The following PLB1 variants were observed in gnomAD, a reference collection of about 807,000 sequenced individuals.
The protein encoded by PLB1 is phospholipase B1, membrane-associated.
In PLB1, 242 loss-of-function variants were observed where a neutral mutation model predicts 227.4. That is an observed-to-expected ratio of 1.06 (90% CI 0.96 to 1.18). The LOEUF (loss-of-function observed/expected upper bound fraction) is 1.18. Ranked by LOEUF, PLB1 falls within the 50% of genes most tolerant of loss-of-function variation. The pLI is 0.00. For missense variants in PLB1, 1,858 were observed against 1,816.3 expected, an observed-to-expected ratio of 1.02 and a Z score of -0.42; for synonymous variants, 757 against 682.2, an observed-to-expected ratio of 1.11 and a Z score of -1.71.
At chr2:28,604,405 C>T (rs1372390745) in intron 40 of PLB1, among the ~76,000 whole-genome samples, 1 of 152,232 alleles carries the variant, frequency 6.6e-6, no homozygotes, top group Non-Finnish European at 1.5e-5. Flanking sequence ...AGGTTTTTAT[C>T]CCTTTTGGGA....
At chr2:28,561,683 G>C (rs1676073456) in intron 17 of PLB1, among the ~76,000 whole-genome samples, 2 of 152,166 alleles carry the variant, frequency 1.3e-5, no homozygotes, top group South Asian at 4.1e-4. Context: ...TTGAGGCCAG[G>C]AGTTCGAGAC....
chr2:28,582,663 A>T (rs1680234955), intron 25 of PLB1, among the ~76,000 whole-genome samples, 158 bp downstream of exon 25: 1 of 152,162 alleles, frequency 6.6e-6, no homozygotes, highest in Admixed American at 6.5e-5. Flanking sequence ...AGGATATCCT[A>T]GGATTTTTCC....
Position 28,602,835 on chromosome 2 carries a change from G to C in PLB1, c.2688G>C (p.Leu896=). The C allele has an allele frequency of 1.2e-6, 2 of 1,614,078 alleles. No individual in the cohort carries two copies. Among genetic ancestry groups the C allele is most frequent in the Non-Finnish European group, 1.7e-6 (2 of 1,179,970 alleles). Residue 896 remains leucine, a synonymous_variant, in exon 39 of 58, where the codon CTG becomes CTC. Coordinates refer to ENST00000327757, the MANE Select transcript of PLB1 (RefSeq NM_153021.5). ...TTTTCCCTTAGGTGCCCAGAGTCCTGGTCAACCTCGTGGACTTCCTGAACC... is the reference window on the plus strand; with the variant it reads ...TTTTCCCTTAGGTGCCCAGAGTCCTCGTCAACCTCGTGGACTTCCTGAACC... ...DVLHREVPRV[L]VNLVDFLNPT... is the part of the protein sequence containing the mutation.
chr2:28,576,252 G>A lies in PLB1; in HGVS notation c.1434-1855G>A, dbSNP rs543898107. On this transcript the variant is annotated intron_variant, in intron 21 of 57. Coordinates refer to ENST00000327757, the MANE Select transcript of PLB1 (RefSeq NM_153021.5). The stretch of plus-strand genomic sequence containing the variant: ...GCCACATGGCCTGAACAAATGCATC[G>A]ACTTGACCACATAGTCCAGCCTTGT... 3.9e-5 allele frequency among the ~76,000 whole-genome samples: 6 copies of A among 152,274 alleles called. No homozygotes were observed. The East Asian group carries it at 1.2e-3, about 29-fold the overall frequency.
chr2:28,618,611 G>C (rs533267382), intron 46 of PLB1, among the ~76,000 whole-genome samples: 1 of 152,274 alleles, frequency 6.6e-6, no homozygotes, highest in African/African-American at 2.4e-5. Context: ...TCGTCCATGA[G>C]GCCTCCCCTC....
chr2:28,538,443 TCCACCGGG>T, intron 10 of PLB1, 62 bp downstream of exon 10: 1 of 1,490,708 alleles, frequency 6.7e-7, no homozygotes, highest in South Asian at 1.2e-5. Flanking sequence ...TCATGTGGCC[TCCACCGGG>T]GTGGGGAAAT....
intron 23 of PLB1, among the ~76,000 whole-genome samples, chr2:28,580,227 C>G (rs1230015370): frequency 6.6e-6 from 1 of 152,238 alleles, no homozygotes; most frequent in East Asian, 1.9e-4. Flanking sequence ...TGATAGAAGC[C>G]TGACAGGGCA....
At position 28,618,409 on chromosome 2, in the gene PLB1, G is replaced by A; in HGVS notation, c.3315+10G>A. 6.2e-7 allele frequency: 1 copy of A among 1,613,690 alleles called. No homozygotes were observed. The highest frequency in any genetic ancestry group is 8.5e-7 in the Non-Finnish European group (1 of 1,179,680). On this transcript the variant is annotated intron_variant, in intron 46 of 57. Coordinates refer to ENST00000327757, the MANE Select transcript of PLB1 (RefSeq NM_153021.5). Reference sequence around the variant, plus strand: ...GGGTGACTCTCTGACTGTGAGTAGTGAGCCATGAACCAGGATGGGCAGCTC... The same window carrying A: ...GGGTGACTCTCTGACTGTGAGTAGTAAGCCATGAACCAGGATGGGCAGCTC...
rs768240056 is a variant in PLB1 at position 28,591,140 on chromosome 2, C to T, written c.2096C>T (p.Pro699Leu). Residue 699 changes from proline (P) to leucine (L), a missense_variant, in exon 30 of 58, where the codon CCG becomes CTG. Physicochemically the swap from Pro to Leu is moderately conservative, Grantham distance 98. Coordinates refer to ENST00000327757, the MANE Select transcript of PLB1 (RefSeq NM_153021.5). ...ACCCCCCTCTCCTCACAGGTCCAGC[C>T]GTTTCTGAGGACCTACAAGAACAGC... ...INITCPNQVQPFLRTYKNSMQ... is the reference protein window; with the variant it reads ...INITCPNQVQLFLRTYKNSMQ... 16 of 1,614,052 alleles carry T rather than the reference C, an allele frequency of 9.9e-6. No homozygotes were observed. The South Asian group carries it at 1.2e-4, about 12-fold the overall frequency.
At chr2:28,600,251 T>A (rs1444660503) in intron 35 of PLB1, among the ~76,000 whole-genome samples, 1 of 152,064 alleles carries the variant, frequency 6.6e-6, no homozygotes, top group African/African-American at 2.4e-5. Flanking sequence ...AGAGCACATA[T>A]GATTCCCTAC....
At chr2:28,642,782 G>C (rs991018176) in intron 57 of PLB1, 76 bp from the exon 58 acceptor site, 3 of 1,280,204 alleles carry the variant, frequency 2.3e-6, no homozygotes, top group Non-Finnish European at 3.3e-6. Flanking sequence ...TCAGGAATGG[G>C]GACTAGGCAA....
At chr2:28,536,060 C>T (rs949664959) in intron 9 of PLB1, among the ~76,000 whole-genome samples, 2 of 152,208 alleles carry the variant, frequency 1.3e-5, no homozygotes, top group Non-Finnish European at 2.9e-5. Flanking sequence ...CCTAAAAGTT[C>T]ACACGAGAAA....
In PLB1 at chr2:28,547,756, G is replaced by C. The variant is rs184161801; in HGVS notation, c.937-1104G>C. ...GTTCTCCAACAGTAGGAAATAGCCC[G>C]TGCAGAAGAAAATCTGCAATCCCTC... On this transcript the variant is annotated intron_variant, in intron 14 of 57. Transcript: ENST00000327757. Among the ~76,000 whole-genome samples, 22 of 152,164 alleles carry C rather than the reference G, an allele frequency of 1.4e-4. No homozygotes were observed. In the East Asian group the frequency reaches 1.5e-3, roughly 11 times the overall value.
rs867761881 is a variant in PLB1, at chr2:28,591,761, G to T, written c.2188+1G>T. The T allele has an allele frequency of 3.7e-6, 6 of 1,613,744 alleles. No homozygotes were observed. The Middle Eastern group carries it at 9.9e-4, about 266-fold the overall frequency. On this transcript the variant is annotated splice_donor_variant, in intron 31 of 57. Coordinates refer to ENST00000327757, the MANE Select transcript of PLB1 (RefSeq NM_153021.5). LOFTEE classifies it high-confidence loss of function. ...CCTTCTGCCTTGCACCCTACCTCAG[G>T]TAAGCCCCCTATGGCACAGCAGGAC...
intron 20 of PLB1, among the ~76,000 whole-genome samples, chr2:28,571,626 C>T (rs553468430): frequency 4.6e-5 from 7 of 152,262 alleles, no homozygotes; most frequent in African/African-American, 1.7e-4. Flanking sequence ...GATTGAGAGT[C>T]AGAAATTAAA....
chr2:28,636,831 TAG>T (rs1689419889), intron 56 of PLB1, among the ~76,000 whole-genome samples: 1 of 152,152 alleles, frequency 6.6e-6, no homozygotes, highest in Non-Finnish European at 1.5e-5. Flanking sequence ...CATGATGGTG[TAG>T]AGACTCACTG....
intron 20 of PLB1, among the ~76,000 whole-genome samples, chr2:28,572,570 T>C (rs143935131): frequency 4.9e-4 from 75 of 152,246 alleles, no homozygotes; most frequent in African/African-American, 1.3e-3. Flanking sequence ...CATTCAGCAA[T>C]AAAAACGAAT....
chr2:28,591,818 G>T, intron 31 of PLB1, 58 bp downstream of exon 31: 1 of 1,530,878 alleles, frequency 6.5e-7, no homozygotes, highest in South Asian at 1.1e-5. Context: ...TGCTATGCTG[G>T]TGAGTCCTCT....
At chr2:28,594,527 C>G (rs1388572353) in intron 33 of PLB1, 1 of 156,296 alleles carries the variant, frequency 6.4e-6, no homozygotes, top group African/African-American at 2.4e-5. Flanking sequence ...CTGCCGCCTC[C>G]CTTTTCTTCT....
Sources: allele counts gnomAD v4.1 joint callset (sites outside exome capture counted in the v4.1 genomes callset), GRCh38; gene constraint gnomAD v4.1.1; transcripts MANE v1.5; gene names NCBI Gene and HGNC (gene_info 2026-07-23, HGNC 2026-07-21).